SIGLEC14: variants seen among roughly 807,000 people sequenced by gnomAD.
SIGLEC14 encodes sialic acid binding Ig like lectin 14, also known as sialic acid-binding Ig-like lectin 14.
A neutral mutation model predicts 34.2 loss-of-function variants in SIGLEC14; 11 were observed. The observed-to-expected ratio is 0.32, with a 90% CI of 0.20 to 0.53. SIGLEC14 has a LOEUF of 0.53. SIGLEC14 is among the 20% of genes least tolerant of loss of function. The pLI is 0.95. For synonymous variants in SIGLEC14, 99 were observed against 179.7 expected (o/e 0.55, Z 3.59); for missense variants, 264 against 439.0 (o/e 0.60, Z 3.56).
At chr19:51,644,160 G>T in intron 4 of SIGLEC14, 124 bp from the exon 5 acceptor site, 1 of 1,141,352 alleles carries the variant, frequency 8.8e-7, no homozygotes, top group Non-Finnish European at 1.2e-6. Context: ...GGCTAGTCAT[G>T]GGTGAAAGGA....
chr19:51,645,220 T>A (rs548691243), intron 4 of SIGLEC14, among the ~76,000 whole-genome samples: 2 of 139,588 alleles, frequency 1.4e-5, no homozygotes, highest in East Asian at 3.3e-4. Context: ...ATGGCTAAGA[T>A]GACAAATTTT....
chr19:51,645,966 C>G lies in SIGLEC14; in HGVS notation c.516G>C (p.Ala172=), dbSNP rs201883294. Residue 172 remains alanine (A), a synonymous_variant, in exon 3 of 7, where the codon GCG becomes GCC. Transcript: ENST00000360844. ...TCCAGGAGAATGTGAGAGGTGGTCCCGCTTCACAGGATCCTGGAAGGCTGC... is the reference window on the plus strand; with the variant it reads ...TCCAGGAGAATGTGAGAGGTGGTCCGGCTTCACAGGATCCTGGAAGGCTGC... ...LSCSLPGSCE[A]GPPLTFSWTG... 3 of 1,407,884 alleles carry G rather than the reference C, an allele frequency of 2.1e-6. 1 individual carries two copies. The highest frequency in any genetic ancestry group is 2.8e-6 in the Non-Finnish European group (3 of 1,058,574). The allele number at this position is 1,407,884 out of a possible 1,614,324, so 87.2% of individuals were successfully genotyped here.
rs993788087 is a variant in SIGLEC14 at position 51,642,140 on chromosome 19, A to T, written c.*1215T>A. Among the ~76,000 whole-genome samples, 3 of 139,384 alleles carry T rather than the reference A, an allele frequency of 2.2e-5. 1 individual carries two copies. Among genetic ancestry groups the T allele is most frequent in the Non-Finnish European group, 4.6e-5 (3 of 65,050 alleles). 91.4% of individuals were successfully genotyped at this position (139,384 alleles called of 152,430 possible). A position where few individuals can be genotyped will look rare whatever the true frequency, so the allele number is the denominator to read the frequency against. Reference sequence around the variant, plus strand: ...TATTTTGAACTAATATAAAAATACAACATAACAAAACTTTTGTGGTGCAGC... The same window carrying T: ...TATTTTGAACTAATATAAAAATACATCATAACAAAACTTTTGTGGTGCAGC... On this transcript the variant is annotated 3_prime_UTR_variant, in exon 7 of 7. Transcript: ENST00000360844.
In SIGLEC14 at chr19:51,643,517, A is replaced by G; in HGVS notation, c.1148+20T>C. 1 of 1,455,014 alleles carries G rather than the reference A, an allele frequency of 6.9e-7. No individual in the cohort carries two copies. Among genetic ancestry groups the G allele is most frequent in the Non-Finnish European group, 9.1e-7 (1 of 1,099,430 alleles). 90.1% of individuals were successfully genotyped at this position (1,455,014 alleles called of 1,614,324 possible). ...CACCTGGAACTCAGGAGCTTCCTGG[A>G]GACAGGCAGTCCGGCTCACCTGGTA... On this transcript the variant is annotated intron_variant, in intron 6 of 6. Transcript: ENST00000360844.
Position 51,641,319 on chromosome 19 carries a change from T to C in SIGLEC14, c.*2036A>G, listed in dbSNP as rs11669500. On this transcript the variant is annotated 3_prime_UTR_variant, in exon 7 of 7. Transcript: ENST00000360844. ...AGTGTCATCAAGCAAACTTAACCAA[T>C]ATAAAAGACTCTCACGGTTGGTGAA... 0.3 allele frequency among the ~76,000 whole-genome samples: 41,572 copies of C among 137,966 alleles called. 11,199 individuals carry two copies. The highest frequency in any genetic ancestry group is 0.41 in the Admixed American group (5,865 of 14,296). The allele number at this position is 137,966 out of a possible 152,430, so 90.5% of individuals were successfully genotyped here.
At position 51,639,645 on chromosome 19, in the gene SIGLEC14, C is replaced by A. The variant is rs957075931; in HGVS notation, c.*3710G>T. The A allele has an allele frequency of 9.3e-5, 13 of 139,218 alleles. 6 individuals carry two copies. In the East Asian group the frequency reaches 4.3e-3, roughly 46 times the overall value. The allele number at this position is 139,218 out of a possible 1,614,324, so 8.6% of individuals were successfully genotyped here. On this transcript the variant is annotated 3_prime_UTR_variant, in exon 7 of 7. Coordinates refer to ENST00000360844, the MANE Select transcript of SIGLEC14 (RefSeq NM_001098612.3). ...GAGGAAAACACACTTCCTTCTGTTT[C>A]TTTTATGAGAACACTAATCCCATTC...
Position 51,641,891 on chromosome 19 carries a change from G to A in SIGLEC14, c.*1464C>T, listed in dbSNP as rs1341076674. On this transcript the variant is annotated 3_prime_UTR_variant, in exon 7 of 7. Coordinates refer to ENST00000360844, the MANE Select transcript of SIGLEC14 (RefSeq NM_001098612.3). ...AATAATCTGTACAACAAACTCCCAT[G>A]ACACTTTACCTATGTAACAAACCTG... Among the ~76,000 whole-genome samples, 1 of 138,462 alleles carries A rather than the reference G, an allele frequency of 7.2e-6. No homozygotes were observed. Among genetic ancestry groups the A allele is most frequent in the African/African-American group, 2.8e-5 (1 of 36,250 alleles). The allele number at this position is 138,462 out of a possible 152,430, so 90.8% of individuals were successfully genotyped here. A position where few individuals can be genotyped will look rare whatever the true frequency, so the allele number is the denominator to read the frequency against.
At position 51,643,601 on chromosome 19, in the gene SIGLEC14, T is replaced by G; in HGVS notation, c.1084A>C (p.Arg362=). ...GSWPLVLTLI[R]GALMGAGFLL... ...AAGCCAGCCCCCATGAGAGCCCCCC[T>G]GATCAGGGTGAGGACGAGGGGCCAG... The change falls in exon 6 of 7, where the codon AGG becomes CGG. Residue 362 remains arginine (R), a synonymous_variant. Transcript: ENST00000360844. The G allele has an allele frequency of 6.5e-7, 1 of 1,530,016 alleles. No individual in the cohort carries two copies. Among genetic ancestry groups the G allele is most frequent in the Non-Finnish European group, 8.8e-7 (1 of 1,140,382 alleles). The allele number at this position is 1,530,016 out of a possible 1,614,324, so 94.8% of individuals were successfully genotyped here.
Position 51,645,635 on chromosome 19 carries a change from C to T in SIGLEC14, c.701-105G>A, listed in dbSNP as rs545593909. The T allele has an allele frequency of 2.5e-5, 36 of 1,445,854 alleles. 8 individuals are homozygous for T. The highest frequency in any genetic ancestry group is 3.6e-4 in the Middle Eastern group (2 of 5,580). The allele number at this position is 1,445,854 out of a possible 1,614,324, so 89.6% of individuals were successfully genotyped here. On this transcript the variant is annotated intron_variant, in intron 3 of 6. Transcript: ENST00000360844. ...CCACAGAAACCCACCAGGTGGGGAC[C>T]GCTGTCCTTCCTGCCCACACACGAG... is the stretch of plus-strand genomic sequence containing the variant.
chr19:51,645,657 C>G lies in SIGLEC14; in HGVS notation c.700+125G>C. The stretch of plus-strand genomic sequence containing the variant: ...GACCGCTGTCCTTCCTGCCCACACA[C>G]GAGTTTTCCCTGGTTATCATTCTCT... On this transcript the variant is annotated intron_variant, in intron 3 of 6. Transcript: ENST00000360844. 15 of 1,451,114 alleles carry G rather than the reference C, an allele frequency of 1.0e-5. 3 individuals carry two copies. Among genetic ancestry groups the G allele is most frequent in the Non-Finnish European group, 1.3e-5 (14 of 1,079,008 alleles). 89.9% of individuals were successfully genotyped at this position (1,451,114 alleles called of 1,614,324 possible).
In SIGLEC14 at chr19:51,641,720, T is replaced by G. The variant is rs1313227619; in HGVS notation, c.*1635A>C. On this transcript the variant is annotated 3_prime_UTR_variant, in exon 7 of 7. Transcript: ENST00000360844. ...AAAACCAAATACCACATGTTCTCAC[T>G]TGTAAGTGGGAGCTAAATGATGAGA... Among the ~76,000 whole-genome samples, 8 of 139,414 alleles carry G rather than the reference T, an allele frequency of 5.7e-5. 1 individual carries two copies. The allele number at this position is 139,414 out of a possible 152,430, so 91.5% of individuals were successfully genotyped here. A position where few individuals can be genotyped will look rare whatever the true frequency, so the allele number is the denominator to read the frequency against.
In SIGLEC14 at chr19:51,641,811, G is replaced by A. The variant is rs567247353; in HGVS notation, c.*1544C>T. On this transcript the variant is annotated 3_prime_UTR_variant, in exon 7 of 7. Transcript: ENST00000360844. ...TTTCAAAGGGTGGAAGGTGGGAGGA[G>A]GGAGAGGATGAGGAAAATAACTAAT... 1.4e-4 allele frequency among the ~76,000 whole-genome samples: 20 copies of A among 139,006 alleles called. 2 individuals carry two copies. The highest frequency in any genetic ancestry group is 9.7e-4 in the Admixed American group (14 of 14,476). The allele number at this position is 139,006 out of a possible 152,430, so 91.2% of individuals were successfully genotyped here.
At position 51,645,699 on chromosome 19, in the gene SIGLEC14, T is replaced by TACAC. The variant is rs34215019; in HGVS notation, c.700+79_700+82dup. On this transcript the variant is annotated intron_variant, in intron 3 of 6. Coordinates refer to ENST00000360844, the MANE Select transcript of SIGLEC14 (RefSeq NM_001098612.3). ...TCATTCTCTTTCTCTCTCTCTCTTC[T>TACAC]ACACACACACACACACACACACACA... is the stretch of plus-strand genomic sequence containing the variant. The TACAC allele has an allele frequency of 2.8e-4, 318 of 1,140,222 alleles. 17 individuals carry two copies. The East Asian group carries it at 5.4e-3, about 19-fold the overall frequency. The allele number at this position is 1,140,222 out of a possible 1,614,324, so 70.6% of individuals were successfully genotyped here.
chr19:51,643,367 C>G lies in SIGLEC14; in HGVS notation c.1179G>C (p.Glu393Asp). 6.6e-7 allele frequency: 1 copy of G among 1,523,832 alleles called. No homozygotes were observed. The highest frequency in any genetic ancestry group is 1.2e-5 in the South Asian group (1 of 82,886). The allele number at this position is 1,523,832 out of a possible 1,614,324, so 94.4% of individuals were successfully genotyped here. ...GAGCGGGAGGGGCTCAGCCAGGCCT[C>G]TCAGCCCTGCTCTGCTGGGGGCCTC... ...RCGGPQQSRA[E>D]RPG Residue 393 changes from glutamate (E) to aspartate (D), a missense_variant, in exon 7 of 7, where the codon GAG (glutamate) becomes GAC (aspartate). By Grantham distance (45) the Glu-to-Asp change is conservative. This residue lies in a region of SIGLEC14 where 149 missense variants were observed against 184.4 expected (regional missense o/e 0.81). Coordinates refer to ENST00000360844, the MANE Select transcript of SIGLEC14 (RefSeq NM_001098612.3).
rs1231544613 is a variant in SIGLEC14, at chr19:51,646,201, G to C, written c.421+56C>G. 2 of 1,412,072 alleles carry C rather than the reference G, an allele frequency of 1.4e-6. 1 individual carries two copies. The highest frequency in any genetic ancestry group is 3.6e-5 in the African/African-American group (2 of 54,894). 87.5% of individuals were successfully genotyped at this position (1,412,072 alleles called of 1,614,324 possible). A position where few individuals can be genotyped will look rare whatever the true frequency, so the allele number is the denominator to read the frequency against. On this transcript the variant is annotated intron_variant, in intron 2 of 6. Coordinates refer to ENST00000360844, the MANE Select transcript of SIGLEC14 (RefSeq NM_001098612.3). ...CCGCCCCTGCCCAACTCCTGTCCCTGTTCTCATACGGGGGTCTCCACGTCC... is the reference window on the plus strand; with the variant it reads ...CCGCCCCTGCCCAACTCCTGTCCCTCTTCTCATACGGGGGTCTCCACGTCC...
intron 3 of SIGLEC14, 51 bp from the exon 4 acceptor site, chr19:51,645,581 C>T (rs1193117668): frequency 4.7e-6 from 7 of 1,504,886 alleles, no homozygotes; most frequent in South Asian, 2.4e-5. Flanking sequence ...GAGGGATGGG[C>T]GTGGTCCCGG....
At position 51,643,073 on chromosome 19, in the gene SIGLEC14, G is replaced by A. The variant is rs1191834469; in HGVS notation, c.*282C>T. ...TAACTTTTGGGTAATGGGTAATGGG[G>A]GTATAAGACCGAAAGTACATTCCCT... On this transcript the variant is annotated 3_prime_UTR_variant, in exon 7 of 7. Coordinates refer to ENST00000360844, the MANE Select transcript of SIGLEC14 (RefSeq NM_001098612.3). 1 of 368,158 alleles carries A rather than the reference G, an allele frequency of 2.7e-6. No homozygotes were observed. Among genetic ancestry groups the A allele is most frequent in the South Asian group, 2.9e-5 (1 of 34,532 alleles). 22.8% of individuals were successfully genotyped at this position (368,158 alleles called of 1,614,324 possible).
At position 51,643,238 on chromosome 19, in the gene SIGLEC14, G is replaced by T; in HGVS notation, c.*117C>A. 1 of 1,036,768 alleles carries T rather than the reference G, an allele frequency of 9.6e-7. No individual in the cohort carries two copies. The allele number at this position is 1,036,768 out of a possible 1,614,324, so 64.2% of individuals were successfully genotyped here. A position where few individuals can be genotyped will look rare whatever the true frequency, so the allele number is the denominator to read the frequency against. On this transcript the variant is annotated 3_prime_UTR_variant, in exon 7 of 7. Transcript: ENST00000360844. ...AGTAGAAGGGGTATGGGGCAGGAAGGAAAAGAGGGGTAGTCAGTGGGATGT... is the reference window on the plus strand; with the variant it reads ...AGTAGAAGGGGTATGGGGCAGGAAGTAAAAGAGGGGTAGTCAGTGGGATGT...
rs1165565406 is a variant in SIGLEC14 at position 51,642,825 on chromosome 19, C to T, written c.*530G>A. 5.0e-5 allele frequency: 7 copies of T among 139,520 alleles called. 1 individual carries two copies. Among genetic ancestry groups the T allele is most frequent in the Non-Finnish European group, 1.0e-4 (7 of 67,070 alleles). The allele number at this position is 139,520 out of a possible 1,614,324, so 8.6% of individuals were successfully genotyped here. ...TTGCTTGAGGTCAGGAGTTCGAGACCTGGCCAACATGGTAAAACCCCATCT... is the reference window on the plus strand; with the variant it reads ...TTGCTTGAGGTCAGGAGTTCGAGACTTGGCCAACATGGTAAAACCCCATCT... On this transcript the variant is annotated 3_prime_UTR_variant, in exon 7 of 7. Transcript: ENST00000360844.
Sources: gnomAD v4.1 joint callset for allele counts (sites outside exome capture counted in the v4.1 genomes callset) on GRCh38, gnomAD v4.1.1 for gene constraint, gnomAD v4.1.1 regional missense constraint, MANE v1.5 for transcripts, NCBI Gene and HGNC (gene_info 2026-07-23, HGNC 2026-07-21) for gene names.